AGT: variants seen among roughly 807,000 people sequenced by gnomAD.
AGT encodes the protein alpha-1 antiproteinase, antitrypsin.
In AGT, 26 loss-of-function variants were observed where a neutral mutation model predicts 28.1. The observed-to-expected ratio is 0.92, with a 90% confidence interval of 0.68 to 1.28. The LOEUF (loss-of-function observed/expected upper bound fraction) is 1.28. Ranked by LOEUF, AGT falls within the 50% of genes most tolerant of loss-of-function variation. AGT has a pLI of 0.00. For synonymous variants in AGT, 259 were observed against 259.6 expected, an observed-to-expected ratio of 1.00 and a Z score of 0.02; for missense variants, 596 against 592.3, an observed-to-expected ratio of 1.01 and a Z score of -0.06.
chr1:230,737,205 A>C (rs1341813613), intron 1 of AGT, among the ~76,000 whole-genome samples: 1 of 152,124 alleles, frequency 6.6e-6, no homozygotes, highest in African/African-American at 2.4e-5. Flanking sequence ...GTTTATACTG[A>C]TCAGACTGCA....
At chr1:230,739,496 C>T (rs564021791) in intron 1 of AGT, among the ~76,000 whole-genome samples, 2 of 152,024 alleles carry the variant, frequency 1.3e-5, no homozygotes, top group Non-Finnish European at 2.9e-5. Flanking sequence ...AGCTGGGGAC[C>T]ACTGAGAAGA....
chr1:230,743,602 C>G (rs1019740306), intron 1 of AGT, among the ~76,000 whole-genome samples: 1 of 152,238 alleles, frequency 6.6e-6, no homozygotes, highest in Non-Finnish European at 1.5e-5. Flanking sequence ...CAAGGGGCTA[C>G]AAATGTCGCA....
chr1:230,705,193 T>C (rs1222120654), intron 3 of AGT, among the ~76,000 whole-genome samples: 1 of 152,074 alleles, frequency 6.6e-6, no homozygotes, highest in African/African-American at 2.4e-5. Context: ...TGCACAACAG[T>C]GTGAATGGGC....
At chr1:230,713,912 C>T (rs1055341379) in intron 1 of AGT, among the ~76,000 whole-genome samples, 174 bp downstream of exon 1, 1 of 152,122 alleles carries the variant, frequency 6.6e-6, no homozygotes, top group Non-Finnish European at 1.5e-5. Context: ...CCTGTAAGAC[C>T]CCAGGTGGGC....
chr1:230,711,894 A>G (rs778042090), intron 1 of AGT, among the ~76,000 whole-genome samples: 31 of 151,768 alleles, frequency 2.0e-4, no homozygotes, highest in Non-Finnish European at 4.0e-4. Flanking sequence ...TGCCCTAGAC[A>G]CGGGTCCAGC....
upstream of AGT, among the ~76,000 whole-genome samples, chr1:230,719,331 A>G (rs200395351): frequency 5.3e-5 from 8 of 152,116 alleles, no homozygotes; most frequent in East Asian, 1.5e-3. Flanking sequence ...AAACGGTCAT[A>G]TAAGATAAAG....
In AGT at chr1:230,705,950, C is replaced by T. The variant is rs1488667537; in HGVS notation, c.1080G>A (p.Met360Ile). The T allele has an allele frequency of 2.5e-6, 4 of 1,614,092 alleles. No individual in the cohort carries two copies. Among genetic ancestry groups the T allele is most frequent in the South Asian group, 1.1e-5 (1 of 91,076 alleles). ...LTFQQNSLNW[M>I]KKLSPRTIHL... ...GCTCCTACCGGGGAGATAGTTTCTT[C>T]ATCCAGTTGAGGGAGTTTTGCTGGA... Residue 360 changes from methionine to isoleucine, a missense_variant, in exon 3 of 5, where the codon ATG becomes ATA. Coordinates refer to ENST00000366667, the MANE Select transcript of AGT (RefSeq NM_001384479.1).
intron 2 of AGT, among the ~76,000 whole-genome samples, chr1:230,707,834 G>A (rs931352675): frequency 2.6e-5 from 4 of 152,262 alleles, no homozygotes; most frequent in Non-Finnish European, 2.9e-5. Context: ...ATTCTCATCC[G>A]GAGGCTAGGT....
At chr1:230,717,612 G>C (rs914665195), upstream of AGT, among the ~76,000 whole-genome samples, 2 of 152,136 alleles carry the variant, frequency 1.3e-5, no homozygotes, top group African/African-American at 2.4e-5. Flanking sequence ...CCTTGGAAGA[G>C]GCATGTGAGC....
At chr1:230,738,928 A>T (rs559386074) in intron 1 of AGT, among the ~76,000 whole-genome samples, 9 of 152,292 alleles carry the variant, frequency 5.9e-5, no homozygotes, top group South Asian at 4.1e-4. Context: ...AAGGACTTTT[A>T]AAAAAATTAC....
chr1:230,709,435 A>AT lies in AGT; in HGVS notation c.829+559dup, dbSNP rs1491283063. 5.5e-5 allele frequency among the ~76,000 whole-genome samples: 7 copies of AT among 127,088 alleles called. No homozygotes were observed. In the East Asian group the frequency reaches 1.8e-3, roughly 33 times the overall value. 83.4% of individuals were successfully genotyped at this position (127,088 alleles called of 152,430 possible). On this transcript the variant is annotated intron_variant, in intron 2 of 4. Coordinates refer to ENST00000366667, the MANE Select transcript of AGT (RefSeq NM_001384479.1). ...GGTGACAGAACAAGACCCTGTCTCA[A>AT]TAAAAAAAAAAAAAAAAATCAACAA...
upstream of AGT, among the ~76,000 whole-genome samples, chr1:230,719,408 T>A (rs1281887384): frequency 0.26 from 24,080 of 92,850 alleles, 3,227 homozygotes; most frequent in East Asian, 0.57. Flanking sequence ...ATCATTATGT[T>A]TTTTTTTTTT....
chr1:230,735,840 C>A (rs550008863), intron 1 of AGT, among the ~76,000 whole-genome samples: 38 of 152,334 alleles, frequency 2.5e-4, no homozygotes, highest in African/African-American at 8.7e-4. Flanking sequence ...TTCCAGCCCC[C>A]CAACTGCTCA....
At chr1:230,705,670 TG>T (rs771150267) in intron 3 of AGT, among the ~76,000 whole-genome samples, 4 of 152,218 alleles carry the variant, frequency 2.6e-5, no homozygotes, top group Admixed American at 1.3e-4. Flanking sequence ...ACCAGGCAAG[TG>T]TAAGTGTAGA....
At chr1:230,721,605 C>T (rs1663844533) in intron 1 of AGT, among the ~76,000 whole-genome samples, 1 of 152,152 alleles carries the variant, frequency 6.6e-6, no homozygotes. Flanking sequence ...TTCCTAGAGA[C>T]TTGTTGAATG....
Position 230,735,315 on chromosome 1 carries a change from C to A in AGT, c.-31+10200G>T, listed in dbSNP as rs569819988. ...CCTTCTCGCTCCTTCTTAGAGTGGGCGAGCAACCTGGTTTCACCTTCCAAA... is the reference window on the plus strand; with the variant it reads ...CCTTCTCGCTCCTTCTTAGAGTGGGAGAGCAACCTGGTTTCACCTTCCAAA... On this transcript the variant is annotated intron_variant, in intron 1 of 4. Coordinates refer to the AGT transcript ENST00000681269. 7.9e-5 allele frequency among the ~76,000 whole-genome samples: 12 copies of A among 152,240 alleles called. No individual in the cohort carries two copies. The East Asian group carries it at 2.3e-3, about 29-fold the overall frequency.
At chr1:230,736,366 A>T (rs1403485732) in intron 1 of AGT, among the ~76,000 whole-genome samples, 1 of 152,074 alleles carries the variant, frequency 6.6e-6, no homozygotes. Flanking sequence ...TACTAAAAAT[A>T]CAAAAAGCCG....
intron 2 of AGT, among the ~76,000 whole-genome samples, chr1:230,708,116 A>G (rs1215708562): frequency 6.6e-6 from 1 of 152,184 alleles, no homozygotes; most frequent in African/African-American, 2.4e-5. Context: ...GCCTCCTTTG[A>G]CGGAAACTGA....
rs566885633 is a variant in AGT at position 230,721,498 on chromosome 1, C to A, written c.-30-10645G>T. Among the ~76,000 whole-genome samples, 5 of 152,260 alleles carry A rather than the reference C, an allele frequency of 3.3e-5. No homozygotes were observed. In the East Asian group the frequency reaches 7.7e-4, roughly 23 times the overall value. ...GAGTGGGACACTGCTGTAAAGATAT[C>A]AAAAAATGTGGAAGTAACTTTTGAA... On this transcript the variant is annotated intron_variant, in intron 1 of 4. Coordinates refer to the AGT transcript ENST00000681269.
Sources: gnomAD v4.1 joint callset for allele counts (sites outside exome capture counted in the v4.1 genomes callset) on GRCh38, gnomAD v4.1.1 for gene constraint, MANE v1.5 for transcripts, NCBI Gene and HGNC (gene_info 2026-07-23, HGNC 2026-07-21) for gene names.